GREB1: variants seen among roughly 807,000 people sequenced by gnomAD.
GREB1 encodes the protein growth regulating estrogen receptor binding 1.
GREB1 carries 106 observed loss-of-function variants against 200.7 expected under a neutral mutation model. The observed-to-expected ratio is 0.53, with a 90% confidence interval of 0.45 to 0.62. GREB1 has a LOEUF of 0.62. Among genes scored for constraint, GREB1 ranks in the 20% least tolerant of loss-of-function variants. GREB1 has a pLI of 0.00. For synonymous variants in GREB1, 1,132 were observed against 1,092.4 expected (o/e 1.04, Z -0.72); for missense variants, 2,243 against 2,556.8 (o/e 0.88, Z 2.65).
At position 11,588,802 on chromosome 2, in the gene GREB1, C is replaced by A. The variant is rs750936323; in HGVS notation, c.1216C>A (p.Leu406Ile). Reference protein sequence around the residue: ...GNLNDVVVSPLLYTCYQNSQS... With the variant: ...GNLNDVVVSPILYTCYQNSQS... ...CCTGAATGACGTCGTGGTCAGCCCC[C>A]TCTTGTACACGTGCTACCAGAATTC... is the stretch of plus-strand genomic sequence containing the variant. Residue 406 changes from leucine to isoleucine, a missense_variant, in exon 10 of 33, where the codon CTC becomes ATC. Physicochemically the swap from Leu to Ile is conservative, Grantham distance 5. This residue lies in a region of GREB1 where 1,178 missense variants were observed against 1,387.4 expected (regional missense o/e 0.85). Transcript: ENST00000381486. The A allele has an allele frequency of 1.2e-6, 2 of 1,614,216 alleles. No homozygotes were observed. The highest frequency in any genetic ancestry group is 1.7e-6 in the Non-Finnish European group (2 of 1,180,012).
chr2:11,494,737 T>G (rs1672842032), intron 1 of GREB1, among the ~76,000 whole-genome samples: 1 of 152,212 alleles, frequency 6.6e-6, no homozygotes, highest in Non-Finnish European at 1.5e-5. Flanking sequence ...GGCAGGCTAC[T>G]TAATGTTCTC....
intron 10 of GREB1, chr2:11,591,758 A>C: frequency 3.4e-6 from 1 of 298,216 alleles, no homozygotes; most frequent in Non-Finnish European, 6.3e-6. Context: ...ATAAAGGTGA[A>C]TATTTGGAAG....
At chr2:11,598,959 G>C in intron 15 of GREB1, 99 bp downstream of exon 15, 2 of 1,014,020 alleles carry the variant, frequency 2.0e-6, no homozygotes, top group Non-Finnish European at 3.0e-6. Flanking sequence ...CTGAAAAGAT[G>C]GATGATGTTT....
intron 17 of GREB1, among the ~76,000 whole-genome samples, chr2:11,606,740 G>C (rs1200808299): frequency 1.3e-5 from 2 of 149,532 alleles, no homozygotes; most frequent in East Asian, 3.9e-4. Context: ...TTAATTGATT[G>C]CTATTTGATT....
At chr2:11,573,375 G>A (rs990246696) in intron 4 of GREB1, among the ~76,000 whole-genome samples, 1 of 152,192 alleles carries the variant, frequency 6.6e-6, no homozygotes, top group Non-Finnish European at 1.5e-5. Flanking sequence ...GAAGAATTTC[G>A]ATTCTGGATA....
In GREB1 at chr2:11,548,339, C is replaced by G. The variant is rs1675496288; in HGVS notation, c.-161-8115C>G. ...ACACACGCACACACCCAGACACGTG[C>G]ACACATGCATATACCCCAACACAGA... On this transcript the variant is annotated intron_variant, in intron 1 of 32. Transcript: ENST00000381486. The surrounding 1 kb of genome is among the most constrained non-coding windows in gnomAD (Gnocchi z 5.1). Among the ~76,000 whole-genome samples the G allele has an allele frequency of 1.4e-5, 2 of 145,274 alleles. No individual in the cohort carries two copies. The highest frequency in any genetic ancestry group is 4.2e-4 in the South Asian group (2 of 4,808).
At chr2:11,622,937 T>G (rs1684127566) in intron 23 of GREB1, among the ~76,000 whole-genome samples, 2 of 152,240 alleles carry the variant, frequency 1.3e-5, no homozygotes, top group African/African-American at 4.8e-5. Context: ...ATGCACATTC[T>G]TGCCTCATTA....
At chr2:11,535,515 G>A (rs1674251775) in intron 1 of GREB1, among the ~76,000 whole-genome samples, 1 of 133,624 alleles carries the variant, frequency 7.5e-6, no homozygotes, top group Non-Finnish European at 1.6e-5. Flanking sequence ...CCATTAAACA[G>A]CATTTTTACA....
At chr2:11,532,239 T>C (rs1173710221), upstream of GREB1, among the ~76,000 whole-genome samples, 1 of 152,200 alleles carries the variant, frequency 6.6e-6, no homozygotes, top group African/African-American at 2.4e-5. Flanking sequence ...AACACTCTCA[T>C]GGCACTTATT....
intron 7 of GREB1, 84 bp from the exon 8 acceptor site, chr2:11,585,077 G>A: frequency 1.5e-6 from 1 of 651,990 alleles, no homozygotes; most frequent in Non-Finnish European, 2.4e-6. Context: ...AAACAAAACA[G>A]ATCATTGTTC....
In GREB1 at chr2:11,580,599, G is replaced by T. The variant is rs1190872751; in HGVS notation, c.773-105G>T. ...TGACCTCCTGATGAGACTTGCTGGG[G>T]AAAAGCTAGTTTGTGAAACTGCAAG... On this transcript the variant is annotated intron_variant, in intron 6 of 32. Coordinates refer to ENST00000381486, the MANE Select transcript of GREB1 (RefSeq NM_014668.4). This position sits in a 1 kb window ranked among gnomAD's most constrained non-coding sequence, Gnocchi z 4.5. The T allele has an allele frequency of 5.2e-6, 7 of 1,349,410 alleles. No individual in the cohort carries two copies. The highest frequency in any genetic ancestry group is 7.1e-6 in the Non-Finnish European group (7 of 984,242). The allele number at this position is 1,349,410 out of a possible 1,614,324, so 83.6% of individuals were successfully genotyped here.
At chr2:11,591,087 G>A (rs1680682937) in intron 10 of GREB1, among the ~76,000 whole-genome samples, 1 of 152,234 alleles carries the variant, frequency 6.6e-6, no homozygotes, top group Non-Finnish European at 1.5e-5. Flanking sequence ...CTGGGTAGGG[G>A]TTAGTTCTGG....
In GREB1 at chr2:11,556,436, C is replaced by T. The variant is rs555661022; in HGVS notation, c.-161-18C>T. The T allele has an allele frequency of 1.2e-5, 6 of 516,628 alleles. No individual in the cohort carries two copies. In the Admixed American group the frequency reaches 2.1e-4, roughly 18 times the overall value. The allele number at this position is 516,628 out of a possible 1,614,324, so 32.0% of individuals were successfully genotyped here. A position where few individuals can be genotyped will look rare whatever the true frequency, so the allele number is the denominator to read the frequency against. The stretch of plus-strand genomic sequence containing the variant: ...GAGAAAGCTGTTACTTATATAACTT[C>T]CTGTAATTGCCCGGCAGTAGCTGCA... On this transcript the variant is annotated intron_variant, in intron 1 of 32. Transcript: ENST00000381486.
chr2:11,522,064 C>G (rs1040271103), intron 1 of GREB1, among the ~76,000 whole-genome samples: 41 of 152,316 alleles, frequency 2.7e-4, no homozygotes, highest in African/African-American at 9.1e-4. Flanking sequence ...AAGAGGAGCA[C>G]AGATCATCCC....
At chr2:11,546,069 C>T (rs1034998510) in intron 1 of GREB1, among the ~76,000 whole-genome samples, 5 of 151,854 alleles carry the variant, frequency 3.3e-5, no homozygotes, top group African/African-American at 9.7e-5. Flanking sequence ...CCCAGCTACT[C>T]GGGAGGCTGA....
At chr2:11,495,460 A>G (rs569274083) in intron 1 of GREB1, among the ~76,000 whole-genome samples, 1 of 152,282 alleles carries the variant, frequency 6.6e-6, no homozygotes, top group East Asian at 1.9e-4. Context: ...TTAGAAAAAA[A>G]TGGCCTCAAG....
chr2:11,496,539 A>C (rs1672895479), intron 1 of GREB1, among the ~76,000 whole-genome samples: 1 of 102,958 alleles, frequency 9.7e-6, no homozygotes, highest in Non-Finnish European at 1.8e-5. Context: ...CACATGTCTG[A>C]CGAACAAGGG....
intron 11 of GREB1, 49 bp from the exon 12 acceptor site, chr2:11,595,202 G>T: frequency 6.4e-7 from 1 of 1,555,476 alleles, no homozygotes; most frequent in South Asian, 1.2e-5. Flanking sequence ...TACACAGCCC[G>T]TAAGCAGGGA....
chr2:11,605,103 A>ACCTGGGGG (rs1445474629), intron 17 of GREB1, among the ~76,000 whole-genome samples: 1 of 125,000 alleles, frequency 8.0e-6, no homozygotes, highest in Non-Finnish European at 1.6e-5. Context: ...TCTGTGCCTG[A>ACCTGGGGG]CCTGGGGGTA....
Sources: gnomAD v4.1 joint callset for allele counts (sites outside exome capture counted in the v4.1 genomes callset) on GRCh38, gnomAD v4.1.1 for gene constraint, gnomAD v4.1.1 regional missense constraint, Gnocchi (gnomAD v3.1) non-coding constraint, MANE v1.5 for transcripts, NCBI Gene and HGNC (gene_info 2026-07-23, HGNC 2026-07-21) for gene names.